CACNA1B: variants seen among roughly 807,000 people sequenced by gnomAD.
The protein encoded by CACNA1B is calcium voltage-gated channel subunit alpha1 B, also known as voltage-dependent N-type calcium channel subunit alpha-1B.
In CACNA1B, 70 loss-of-function variants were observed where a neutral mutation model predicts 247.2. The observed-to-expected ratio is 0.28, with a 90% CI of 0.23 to 0.35. The LOEUF is 0.35. CACNA1B is among the 10% of genes least tolerant of loss of function. The probability of loss-of-function intolerance (pLI) is 1.00; values close to 1 mark genes in which losing one functional copy is unlikely to be tolerated. For missense variants in CACNA1B, 2,367 were observed against 3,197.4 expected (o/e 0.74, Z 6.26); for synonymous variants, 1,231 against 1,294.4 (o/e 0.95, Z 1.05).
At position 137,901,048 on chromosome 9, in the gene CACNA1B, G is replaced by A. The variant is rs561395698; in HGVS notation, c.531-12132G>A. On this transcript the variant is annotated intron_variant, in intron 3 of 46. Coordinates refer to ENST00000371372, the MANE Select transcript of CACNA1B (RefSeq NM_000718.4). ...CCGTGTGTCCGTGTCTGTGCTGTGT[G>A]TCCGTGTGTCTGTGCTGTGTGTCTC... Among the ~76,000 whole-genome samples, 76 of 146,934 alleles carry A rather than the reference G, an allele frequency of 5.2e-4. 1 individual carries two copies. In the South Asian group the frequency reaches 0.017, roughly 32 times the overall value.
chr9:138,036,367 C>G (rs1021815846), intron 20 of CACNA1B, among the ~76,000 whole-genome samples: 5 of 152,194 alleles, frequency 3.3e-5, no homozygotes, highest in African/African-American at 1.2e-4. Flanking sequence ...TCTCGATCTC[C>G]TGACCTCGTG....
At position 137,986,568 on chromosome 9, in the gene CACNA1B, C is replaced by T; in HGVS notation, c.1901+24C>T. 1.2e-6 allele frequency: 2 copies of T among 1,613,188 alleles called. No homozygotes were observed. Among genetic ancestry groups the T allele is most frequent in the Non-Finnish European group, 1.7e-6 (2 of 1,179,470 alleles). ...CAGTAAGTGGGCCCGGGAGGGAGAG[C>T]TCAAGGCTGGGGGCTTGCAGGGAAG... On this transcript the variant is annotated intron_variant, in intron 14 of 46. Transcript: ENST00000371372. This position sits in a 1 kb window ranked among gnomAD's most constrained non-coding sequence, Gnocchi z 6.0.
intron 6 of CACNA1B, among the ~76,000 whole-genome samples, chr9:137,927,388 A>C (rs924003393): frequency 1.2e-4 from 18 of 151,986 alleles, no homozygotes; most frequent in African/African-American, 3.9e-4. Context: ...ACGCCTGTCT[A>C]ATTTTTGTAT....
intron 40 of CACNA1B, among the ~76,000 whole-genome samples, chr9:138,113,073 C>T (rs1253408790): frequency 7.0e-6 from 1 of 142,266 alleles, no homozygotes; most frequent in Non-Finnish European, 1.5e-5. Flanking sequence ...TGCCCAACTC[C>T]ATCTTGGAGA....
chr9:138,048,321 C>T (rs140503208), intron 23 of CACNA1B, among the ~76,000 whole-genome samples: 2 of 152,186 alleles, frequency 1.3e-5, no homozygotes, highest in African/African-American at 4.8e-5. Context: ...AGCTTGCCTG[C>T]AGGGGATCTG....
In CACNA1B at chr9:137,971,736, C is replaced by T. The variant is rs1336914554; in HGVS notation, c.1543+144C>T. 2 of 692,960 alleles carry T rather than the reference C, an allele frequency of 2.9e-6. No homozygotes were observed. Among genetic ancestry groups the T allele is most frequent in the Non-Finnish European group, 4.9e-6 (2 of 411,602 alleles). 42.9% of individuals were successfully genotyped at this position (692,960 alleles called of 1,614,324 possible). A position where few individuals can be genotyped will look rare whatever the true frequency, so the allele number is the denominator to read the frequency against. On this transcript the variant is annotated intron_variant, in intron 11 of 46. Transcript: ENST00000371372. The surrounding 1 kb of genome is among the most constrained non-coding windows in gnomAD (Gnocchi z 4.4). ...AAAGTATCCCACAGCCCTAGTCAGCCTCCAGGAGCCTCTGTGGGGGCCTGG... is the reference window on the plus strand; with the variant it reads ...AAAGTATCCCACAGCCCTAGTCAGCTTCCAGGAGCCTCTGTGGGGGCCTGG...
chr9:137,909,538 G>A (rs186810726), intron 3 of CACNA1B, among the ~76,000 whole-genome samples: 4 of 152,252 alleles, frequency 2.6e-5, no homozygotes, highest in Non-Finnish European at 4.4e-5. Context: ...TTAGAGCGTC[G>A]TTCCTTTTGT....
intron 15 of CACNA1B, among the ~76,000 whole-genome samples, chr9:138,000,314 G>A (rs751590105): frequency 3.3e-5 from 5 of 151,976 alleles, no homozygotes; most frequent in Non-Finnish European, 7.4e-5. Flanking sequence ...TAGCCAGGAT[G>A]GTCTCGATCT....
chr9:137,878,499 G>A (rs1956868114), intron 1 of CACNA1B, among the ~76,000 whole-genome samples: 1 of 152,198 alleles, frequency 6.6e-6, no homozygotes, highest in Admixed American at 6.5e-5. Context: ...AGCCTGGAGG[G>A]CACCGAGGGC....
rs1387028867 is a variant in CACNA1B, at chr9:137,888,411, T to TG, written c.530+5533dup. Among the ~76,000 whole-genome samples, 1 of 152,152 alleles carries TG rather than the reference T, an allele frequency of 6.6e-6. No individual in the cohort carries two copies. The highest frequency in any genetic ancestry group is 1.5e-5 in the Non-Finnish European group (1 of 68,028). On this transcript the variant is annotated intron_variant, in intron 3 of 46. Transcript: ENST00000371372. This position sits in a 1 kb window ranked among gnomAD's most constrained non-coding sequence, Gnocchi z 4.7. ...CTGGCCCTGTGGGGCTGGTTGCACC[T>TG]GGGGGTCAGGGACATGGGCAGGGCC...
At chr9:137,926,640 A>G (rs1957554699) in intron 6 of CACNA1B, among the ~76,000 whole-genome samples, 1 of 152,240 alleles carries the variant, frequency 6.6e-6, no homozygotes, top group Non-Finnish European at 1.5e-5. Context: ...ACCATTTGAC[A>G]TTCCCACCTT....
intron 18 of CACNA1B, among the ~76,000 whole-genome samples, chr9:138,022,395 C>G (rs1487209010): frequency 6.6e-6 from 1 of 152,124 alleles, no homozygotes; most frequent in African/African-American, 2.4e-5. Flanking sequence ...CTGAAAGGGC[C>G]AGGTGCTCCC....
At chr9:137,949,772 A>G (rs1315999227) in intron 6 of CACNA1B, among the ~76,000 whole-genome samples, 1 of 151,976 alleles carries the variant, frequency 6.6e-6, no homozygotes, top group African/African-American at 2.4e-5. Context: ...AATGAGGTCC[A>G]CCCCACATTA....
rs200544664 is a variant in CACNA1B at position 138,096,533 on chromosome 9, C to T, written c.5144C>T (p.Thr1715Met). The change falls in exon 37 of 47, where the codon ACG becomes ATG. Residue 1715 changes from threonine to methionine, a missense_variant. Transcript: ENST00000371372. ...ATCATGGACAATTTTGAGTACCTCA[C>T]GCGGGACTCTTCCATCCTAGGTCCT... ...AVIMDNFEYL[T>M]RDSSILGPHH... 3.7e-6 allele frequency: 6 copies of T among 1,611,372 alleles called. No individual in the cohort carries two copies. Among genetic ancestry groups the T allele is most frequent in the South Asian group, 1.1e-5 (1 of 90,974 alleles).
rs567986208 is a variant in CACNA1B at position 138,062,209 on chromosome 9, C to CA, written c.4668+2473dup. Reference sequence around the variant, plus strand: ...AGCACAGGCAACTTGTTTTCCCCCCCACACAGAGCTGACCAGATACCCTGC... The same window carrying CA: ...AGCACAGGCAACTTGTTTTCCCCCCCAACACAGAGCTGACCAGATACCCTGC... On this transcript the variant is annotated intron_variant, in intron 31 of 46. Coordinates refer to ENST00000371372, the MANE Select transcript of CACNA1B (RefSeq NM_000718.4). Among the ~76,000 whole-genome samples the CA allele has an allele frequency of 2.7e-4, 41 of 152,302 alleles. No individual in the cohort carries two copies. The East Asian group carries it at 6.2e-3, about 23-fold the overall frequency.
At chr9:138,106,222 G>A (rs972218848) in intron 39 of CACNA1B, among the ~76,000 whole-genome samples, 11 of 152,096 alleles carry the variant, frequency 7.2e-5, no homozygotes, top group Admixed American at 5.9e-4. Context: ...ACCACAGAGC[G>A]ATGCCAAAGC....
chr9:138,036,526 C>T (rs539811032), intron 20 of CACNA1B, among the ~76,000 whole-genome samples: 3 of 152,254 alleles, frequency 2.0e-5, no homozygotes, highest in South Asian at 4.1e-4. Context: ...GTTTGTGAGA[C>T]GTGGTTTTAC....
intron 10 of CACNA1B, among the ~76,000 whole-genome samples, chr9:137,960,072 G>A (rs1049870035): frequency 6.7e-6 from 1 of 150,226 alleles, no homozygotes; most frequent in Non-Finnish European, 1.5e-5. Flanking sequence ...GAGAGGGGAG[G>A]TTGGCCTGAG....
At chr9:137,889,991 A>G (rs1159286500) in intron 3 of CACNA1B, 1 of 149,380 alleles carries the variant, frequency 6.7e-6, no homozygotes. Flanking sequence ...GTGAGGGTCC[A>G]CACTGCCCGG....
Sources: gnomAD v4.1 joint callset for allele counts (sites outside exome capture counted in the v4.1 genomes callset) on GRCh38, gnomAD v4.1.1 for gene constraint, Gnocchi (gnomAD v3.1) non-coding constraint, MANE v1.5 for transcripts, NCBI Gene and HGNC (gene_info 2026-07-23, HGNC 2026-07-21) for gene names.